EYA3: variants seen among roughly 807,000 people sequenced by gnomAD.
EYA3 encodes the protein protein phosphatase EYA3.
Under a neutral mutation model 80.0 loss-of-function variants are expected in EYA3, and 39 were observed. That is an observed-to-expected ratio of 0.49 (90% CI 0.38 to 0.64). The LOEUF (loss-of-function observed/expected upper bound fraction) is 0.64, where lower values mean the gene tolerates loss of function less well. Among genes scored for constraint, EYA3 ranks in the 30% least tolerant of loss-of-function variants. The pLI is 0.00. For missense variants in EYA3, 523 were observed against 676.1 expected (o/e 0.77, Z 2.51); for synonymous variants, 206 against 232.8 (o/e 0.88, Z 1.05).
At chr1:28,022,915 C>A (rs1392036372) in intron 7 of EYA3, among the ~76,000 whole-genome samples, 3 of 151,992 alleles carry the variant, frequency 2.0e-5, no homozygotes, top group African/African-American at 7.3e-5. Flanking sequence ...TGGGGTTTTG[C>A]CTTGTTGCCC....
intron 1 of EYA3, among the ~76,000 whole-genome samples, chr1:28,060,929 G>C (rs550179979): frequency 1.3e-5 from 2 of 152,162 alleles, no homozygotes; most frequent in African/African-American, 4.8e-5. Context: ...CAAGAGAATC[G>C]CGTGAACCTG....
At chr1:28,044,365 C>T (rs74823157) in intron 3 of EYA3, among the ~76,000 whole-genome samples, 3,738 of 152,278 alleles carry the variant, frequency 0.025, 70 homozygotes, top group Middle Eastern at 0.051. Context: ...AAAAATGAAA[C>T]CTACCTCATA....
At chr1:28,052,592 C>G (rs1644289822) in intron 2 of EYA3, among the ~76,000 whole-genome samples, 1 of 152,146 alleles carries the variant, frequency 6.6e-6, no homozygotes, top group East Asian at 1.9e-4. Flanking sequence ...GATCAAAGCA[C>G]TAAATGTAAA....
chr1:27,986,093 C>T (rs865821924), intron 16 of EYA3, among the ~76,000 whole-genome samples: 3 of 151,922 alleles, frequency 2.0e-5, no homozygotes, highest in Non-Finnish European at 2.9e-5. Context: ...TGGCGAGGTG[C>T]GGTGGCTCAT....
rs1638687721 is a variant in EYA3 at position 27,970,421 on chromosome 1, T to TA, written c.*4044dup. The stretch of plus-strand genomic sequence containing the variant: ...CATATAACATTACGGTCACGGATTC[T>TA]ACAGCCACAAATGCCCGCAGTCACA... On this transcript the variant is annotated 3_prime_UTR_variant, in exon 18 of 18. Transcript: ENST00000373871. The TA allele has an allele frequency of 2.0e-5, 3 of 152,254 alleles. No homozygotes were observed. The South Asian group carries it at 6.2e-4, about 32-fold the overall frequency. 9.4% of individuals were successfully genotyped at this position (152,254 alleles called of 1,614,324 possible). A position where few individuals can be genotyped will look rare whatever the true frequency, so the allele number is the denominator to read the frequency against.
intron 2 of EYA3, among the ~76,000 whole-genome samples, chr1:28,055,559 C>T (rs891126509): frequency 1.3e-5 from 2 of 151,276 alleles, no homozygotes; most frequent in Non-Finnish European, 2.9e-5. Context: ...CAACCTCCAC[C>T]TCCTGGGTTC....
At chr1:28,006,344 G>C (rs1278893816) in intron 10 of EYA3, among the ~76,000 whole-genome samples, 1 of 152,000 alleles carries the variant, frequency 6.6e-6, no homozygotes, top group East Asian at 1.9e-4. Flanking sequence ...TCTATTCCTA[G>C]TTTATTATTT....
intron 6 of EYA3, among the ~76,000 whole-genome samples, chr1:28,032,452 T>C (rs146238897): frequency 2.4e-3 from 373 of 152,282 alleles, no homozygotes; most frequent in African/African-American, 8.6e-3. Context: ...ATTAGTTCCA[T>C]AGGATACATT....
chr1:28,058,102 TA>T lies in EYA3; in HGVS notation c.-68-9del. The T allele has an allele frequency of 8.0e-7, 1 of 1,243,914 alleles. No individual in the cohort carries two copies. The highest frequency in any genetic ancestry group is 1.1e-6 in the Non-Finnish European group (1 of 888,346). The allele number at this position is 1,243,914 out of a possible 1,614,324, so 77.1% of individuals were successfully genotyped here. A position where few individuals can be genotyped will look rare whatever the true frequency, so the allele number is the denominator to read the frequency against. On this transcript the variant is annotated splice_polypyrimidine_tract_variant and intron_variant, in intron 1 of 17. Transcript: ENST00000373871. ...CTCAGCAGTTTTCACAATCTGTTTT[TA>T]AAAAGGAGGATTCAAAGCTTTATAC...
At chr1:28,056,986 T>C (rs990853567) in intron 2 of EYA3, among the ~76,000 whole-genome samples, 6 of 152,150 alleles carry the variant, frequency 3.9e-5, no homozygotes, top group Non-Finnish European at 7.4e-5. Context: ...TCCCTGATAA[T>C]TAAAGTCCCA....
intron 10 of EYA3, among the ~76,000 whole-genome samples, chr1:28,007,350 T>C (rs1641361736): frequency 6.6e-6 from 1 of 151,210 alleles, no homozygotes; most frequent in African/African-American, 2.4e-5. Context: ...TTTTTTTTTT[T>C]TTCCGAGACA....
At chr1:28,043,402 T>G (rs1643889033) in intron 3 of EYA3, among the ~76,000 whole-genome samples, 1 of 152,024 alleles carries the variant, frequency 6.6e-6, no homozygotes, top group Non-Finnish European at 1.5e-5. Context: ...CAATGCTATA[T>G]TATTTATTAC....
intron 16 of EYA3, among the ~76,000 whole-genome samples, chr1:27,980,957 G>A (rs1217704196): frequency 1.3e-5 from 2 of 152,166 alleles, no homozygotes; most frequent in Non-Finnish European, 2.9e-5. Context: ...TGGGTGGATC[G>A]CTTGAGCGTG....
At chr1:28,025,095 A>G (rs1056976432) in intron 7 of EYA3, among the ~76,000 whole-genome samples, 2 of 152,206 alleles carry the variant, frequency 1.3e-5, no homozygotes, top group African/African-American at 4.8e-5. Context: ...CCATGCTAAA[A>G]GGAAAGGGAA....
At chr1:27,977,237 T>G in intron 17 of EYA3, 3 of 1,532,464 alleles carry the variant, frequency 2.0e-6, no homozygotes, top group Non-Finnish European at 2.6e-6. Context: ...CTACATAAAG[T>G]GACAAATGAA....
chr1:28,051,754 A>C (rs1303591205), intron 2 of EYA3, among the ~76,000 whole-genome samples: 3 of 152,154 alleles, frequency 2.0e-5, no homozygotes, highest in Non-Finnish European at 4.4e-5. Flanking sequence ...TACACGTTAA[A>C]AGAAATTTAA....
At chr1:28,031,192 A>G (rs531887639) in intron 6 of EYA3, among the ~76,000 whole-genome samples, 108 of 152,352 alleles carry the variant, frequency 7.1e-4, no homozygotes, top group African/African-American at 2.5e-3. Context: ...TAATTATTTT[A>G]TGAGGAATAA....
intron 2 of EYA3, among the ~76,000 whole-genome samples, chr1:28,057,411 T>C (rs1475250244): frequency 1.3e-5 from 2 of 152,094 alleles, no homozygotes; most frequent in African/African-American, 4.8e-5. Flanking sequence ...CCCTCTAGCA[T>C]AAAAGTTATC....
rs1013171424 is a variant in EYA3 at position 28,009,001 on chromosome 1, G to A, written c.909+1946C>T. 2.0e-5 allele frequency among the ~76,000 whole-genome samples: 3 copies of A among 152,156 alleles called. No homozygotes were observed. The highest frequency in any genetic ancestry group is 2.9e-5 in the Non-Finnish European group (2 of 68,022). On this transcript the variant is annotated intron_variant, in intron 10 of 17. Transcript: ENST00000373871. The surrounding 1 kb of genome is among the most constrained non-coding windows in gnomAD (Gnocchi z 4.8). ...AAAAAATGGGAAATAACAAGTGTTG[G>A]CGAGGATGTGAACAAACTGGAACCT... is the stretch of plus-strand genomic sequence containing the variant.
Sources: gnomAD v4.1 joint callset for allele counts (sites outside exome capture counted in the v4.1 genomes callset) on GRCh38, gnomAD v4.1.1 for gene constraint, Gnocchi (gnomAD v3.1) non-coding constraint, MANE v1.5 for transcripts, NCBI Gene and HGNC (gene_info 2026-07-23, HGNC 2026-07-21) for gene names.